The following ATF6 variants were observed in gnomAD, a reference collection of about 807,000 sequenced individuals.
The protein encoded by ATF6 is cyclic AMP-dependent transcription factor ATF-6 alpha.
A neutral mutation model predicts 83.6 loss-of-function variants in ATF6; 53 were observed. That is an observed-to-expected ratio of 0.63 (90% CI 0.51 to 0.80). ATF6 has a LOEUF of 0.80. Among genes scored for constraint, ATF6 ranks in the 30% least tolerant of loss-of-function variants. The pLI is 0.00. For missense variants in ATF6, 744 were observed against 797.9 expected (o/e 0.93, Z 0.81); for synonymous variants, 288 against 285.8 (o/e 1.01, Z -0.08).
intron 14 of ATF6, among the ~76,000 whole-genome samples, chr1:161,908,780 A>G (rs913383948): frequency 1.3e-4 from 20 of 152,186 alleles, no homozygotes; most frequent in Non-Finnish European, 2.5e-4. Context: ...TTTATTTTTA[A>G]GTAGTTTCAT....
intron 6 of ATF6, among the ~76,000 whole-genome samples, chr1:161,793,911 TTTTTTC>T (rs1684944462): frequency 1.3e-5 from 2 of 152,208 alleles, no homozygotes; most frequent in Non-Finnish European, 2.9e-5. Context: ...CTTGCCTGTT[TTTTTTC>T]TTTTATTTGA....
At chr1:161,898,249 C>G (rs1687714460) in intron 14 of ATF6, among the ~76,000 whole-genome samples, 1 of 152,122 alleles carries the variant, frequency 6.6e-6, no homozygotes, top group Non-Finnish European at 1.5e-5. Context: ...CATATCCAGG[C>G]TTTTGGTGAG....
chr1:161,861,577 A>G (rs1686886843), intron 13 of ATF6, among the ~76,000 whole-genome samples: 1 of 152,220 alleles, frequency 6.6e-6, no homozygotes, highest in African/African-American at 2.4e-5. Flanking sequence ...TTTCTTCATT[A>G]GTTAAAATGT....
intron 14 of ATF6, among the ~76,000 whole-genome samples, chr1:161,871,030 G>A (rs16857524): frequency 2.6e-5 from 4 of 151,524 alleles, no homozygotes; most frequent in African/African-American, 9.7e-5. Context: ...TCTTTTACAA[G>A]ATCTATTGCA....
intron 15 of ATF6, among the ~76,000 whole-genome samples, chr1:161,916,101 ATGAAATGCTCTTGCCCTTCCACTCCAC>A (rs1688095190): frequency 6.6e-6 from 1 of 152,132 alleles, no homozygotes; most frequent in Non-Finnish European, 1.5e-5. Flanking sequence ...ATTTCACTTC[ATGAAATGCTCTTGCCCTTCCACTCCAC>A]TGAAATGCTC....
In ATF6 at chr1:161,789,622, T is replaced by A. The variant is rs566759645; in HGVS notation, c.355-1786T>A. On this transcript the variant is annotated intron_variant, in intron 4 of 15. Transcript: ENST00000367942. ...TTCTTTTAGTGTAATTATACTAGAA[T>A]TACAGAAAAAGCAGGTATCTATTTT... is the stretch of plus-strand genomic sequence containing the variant. Among the ~76,000 whole-genome samples, 14 of 152,272 alleles carry A rather than the reference T, an allele frequency of 9.2e-5. No homozygotes were observed. The East Asian group carries it at 2.7e-3, about 29-fold the overall frequency.
intron 4 of ATF6, among the ~76,000 whole-genome samples, chr1:161,791,088 GTGTGTGTGTGTGTGTC>G (rs1557961766): frequency 7.3e-6 from 1 of 136,884 alleles, no homozygotes; most frequent in East Asian, 2.3e-4. Context: ...GTGTGTCTCT[GTGTGTGTGTGTGTGTC>G]TCTGTGTGTG....
In ATF6 at chr1:161,846,572, C is replaced by T. The variant is rs187088858; in HGVS notation, c.1311C>T (p.Asn437=). ...CATCAGATGGTATTATCCAGAAAAA[C>T]AGCTACAGGTAAGATGGCATGCATC... ...QDTSDGIIQK[N]SYRYDHSVSN... is the part of the protein sequence containing the mutation. The change falls in exon 10 of 16, where the codon AAC becomes AAT. Residue 437 remains asparagine, a synonymous_variant. Transcript: ENST00000367942. 1.2e-5 allele frequency: 20 copies of T among 1,601,598 alleles called. No individual in the cohort carries two copies. In the African/African-American group the frequency reaches 2.7e-4, roughly 22 times the overall value.
intron 15 of ATF6, among the ~76,000 whole-genome samples, chr1:161,940,702 G>A (rs936865431): frequency 6.6e-6 from 1 of 151,976 alleles, no homozygotes; most frequent in Non-Finnish European, 1.5e-5. Flanking sequence ...GGGACTACAG[G>A]CATGTGCCAC....
At chr1:161,924,734 C>G (rs1262556858) in intron 15 of ATF6, among the ~76,000 whole-genome samples, 3 of 152,172 alleles carry the variant, frequency 2.0e-5, no homozygotes, top group Non-Finnish European at 4.4e-5. Context: ...TCTTTCTTTT[C>G]ACTCTATTAT....
chr1:161,834,301 A>G (rs937875391), intron 9 of ATF6, among the ~76,000 whole-genome samples: 2 of 152,284 alleles, frequency 1.3e-5, no homozygotes, highest in East Asian at 1.9e-4. Context: ...ATTATAAATC[A>G]TGCTGCTATA....
Position 161,821,096 on chromosome 1 carries a change from A to G in ATF6, c.1122A>G (p.Pro374=). The change falls in exon 9 of 16, where the codon CCA becomes CCG. Residue 374 remains proline (P), a synonymous_variant. Coordinates refer to ENST00000367942, the MANE Select transcript of ATF6 (RefSeq NM_007348.4). Reference sequence around the variant, plus strand: ...ACCAGAGGCTTAAAGTCCCTAGTCCAAAGCGAAGAGTTGTCTGTGTGATGA... The same window carrying G: ...ACCAGAGGCTTAAAGTCCCTAGTCCGAAGCGAAGAGTTGTCTGTGTGATGA... ...SENQRLKVPS[P]KRRVVCVMIV... The G allele has an allele frequency of 6.2e-7, 1 of 1,613,216 alleles. No homozygotes were observed. The highest frequency in any genetic ancestry group is 8.5e-7 in the Non-Finnish European group (1 of 1,179,488).
At chr1:161,915,695 G>T (rs1688083863) in intron 15 of ATF6, among the ~76,000 whole-genome samples, 1 of 151,434 alleles carries the variant, frequency 6.6e-6, no homozygotes, top group Non-Finnish European at 1.5e-5. Context: ...GTGACCCATG[G>T]CTCACTCCAG....
At chr1:161,888,876 C>T (rs748271644) in intron 14 of ATF6, among the ~76,000 whole-genome samples, 3 of 152,142 alleles carry the variant, frequency 2.0e-5, no homozygotes, top group Non-Finnish European at 4.4e-5. Context: ...CTGGTCCATA[C>T]CTCTCCTGCC....
chr1:161,882,965 A>G (rs1225711311), intron 14 of ATF6, among the ~76,000 whole-genome samples: 1 of 151,994 alleles, frequency 6.6e-6, no homozygotes, highest in East Asian at 1.9e-4. Flanking sequence ...AAGAACCCAT[A>G]AAAGGATATG....
intron 15 of ATF6, among the ~76,000 whole-genome samples, chr1:161,946,151 T>A (rs754025553): frequency 6.6e-6 from 1 of 152,130 alleles, no homozygotes; most frequent in Non-Finnish European, 1.5e-5. Flanking sequence ...CAAACCATCA[T>A]GCCCAGCTAA....
At chr1:161,770,502 T>C (rs1684358545) in intron 1 of ATF6, among the ~76,000 whole-genome samples, 1 of 152,194 alleles carries the variant, frequency 6.6e-6, no homozygotes, top group Non-Finnish European at 1.5e-5. Context: ...ATGGCTGCCT[T>C]CTTCTTGTGT....
intron 1 of ATF6, among the ~76,000 whole-genome samples, chr1:161,773,435 T>C (rs1272133134): frequency 1.3e-5 from 2 of 151,984 alleles, no homozygotes; most frequent in Non-Finnish European, 2.9e-5. Flanking sequence ...GCCACTAATT[T>C]TTGTATTTTT....
chr1:161,778,140 G>T, intron 1 of ATF6, 104 bp from the exon 2 acceptor site: 2 of 771,526 alleles, frequency 2.6e-6, no homozygotes, highest in African/African-American at 1.7e-5. Flanking sequence ...AATAGTAATG[G>T]CTAATGAGAA....
Sources: allele counts gnomAD v4.1 joint callset (sites outside exome capture counted in the v4.1 genomes callset), GRCh38; gene constraint gnomAD v4.1.1; transcripts MANE v1.5; gene names NCBI Gene and HGNC (gene_info 2026-07-23, HGNC 2026-07-21).